The following TGFBR3 variants were observed in gnomAD, a reference collection of about 807,000 sequenced individuals.
TGFBR3 encodes transforming growth factor beta receptor type 3.
TGFBR3 carries 46 observed loss-of-function variants against 87.9 expected under a neutral mutation model. The ratio of observed to expected loss-of-function variants is 0.52; its 90% CI spans 0.41 to 0.67. The LOEUF (loss-of-function observed/expected upper bound fraction) is 0.67. TGFBR3 is among the 30% of genes least tolerant of loss of function. The pLI, the probability that TGFBR3 is intolerant of heterozygous loss-of-function variation, is 0.00. For synonymous variants in TGFBR3, 381 were observed against 391.6 expected, an observed-to-expected ratio of 0.97 and a Z score of 0.32; for missense variants, 866 against 1,041.9, an observed-to-expected ratio of 0.83 and a Z score of 2.32.
intron 2 of TGFBR3, among the ~76,000 whole-genome samples, chr1:91,814,468 T>C (rs945830878): frequency 6.6e-6 from 1 of 152,196 alleles, no homozygotes; most frequent in Non-Finnish European, 1.5e-5. Context: ...CCGTGGTTTA[T>C]GGTAAAACTA....
intron 2 of TGFBR3, among the ~76,000 whole-genome samples, chr1:91,809,101 T>G (rs1206937547): frequency 6.6e-6 from 1 of 152,236 alleles, no homozygotes; most frequent in African/African-American, 2.4e-5. Context: ...TACAACTTAA[T>G]TCCTACTAAT....
chr1:91,738,111 G>A (rs11165390), intron 4 of TGFBR3, among the ~76,000 whole-genome samples: 95,535 of 152,034 alleles, frequency 0.63, 30,394 homozygotes, highest in South Asian at 0.76. Context: ...AGCTCTTCCC[G>A]GTGCTACAGC....
chr1:91,701,400 C>T (rs1671616717), intron 14 of TGFBR3, among the ~76,000 whole-genome samples: 1 of 151,958 alleles, frequency 6.6e-6, no homozygotes, highest in Non-Finnish European at 1.5e-5. Flanking sequence ...AGTTGGCATG[C>T]TGAGAGGAAA....
exon 2 of TGFBR3, chr1:91,899,669 G>A (rs545442480): frequency 1.4e-4 from 22 of 152,274 alleles, no homozygotes; most frequent in African/African-American, 3.4e-4. Flanking sequence ...ATTCTCTGCC[G>A]TCCCTCTGAT....
At chr1:91,822,616 C>T (rs1037526274) in intron 2 of TGFBR3, among the ~76,000 whole-genome samples, 1 of 152,242 alleles carries the variant, frequency 6.6e-6, no homozygotes, top group South Asian at 2.1e-4. Flanking sequence ...CCTTACAGGG[C>T]CATAAACCCC....
At chr1:91,808,540 A>G (rs1196438368) in intron 2 of TGFBR3, among the ~76,000 whole-genome samples, 2 of 152,140 alleles carry the variant, frequency 1.3e-5, no homozygotes, top group South Asian at 4.2e-4. Context: ...ATCTCAACTC[A>G]CTGCAAATTC....
chr1:91,821,698 C>A (rs1676457866), intron 2 of TGFBR3, among the ~76,000 whole-genome samples: 1 of 152,118 alleles, frequency 6.6e-6, no homozygotes, highest in Non-Finnish European at 1.5e-5. Flanking sequence ...GGACCTGGGG[C>A]CTTGCCTGGG....
intron 2 of TGFBR3, among the ~76,000 whole-genome samples, chr1:91,820,971 C>T (rs1341224638): frequency 6.6e-6 from 1 of 152,166 alleles, no homozygotes; most frequent in Non-Finnish European, 1.5e-5. Context: ...ACGAGAGGAA[C>T]TCTGACTTTG....
At chr1:91,707,898 T>A (rs1279020509) in intron 14 of TGFBR3, among the ~76,000 whole-genome samples, 1 of 152,190 alleles carries the variant, frequency 6.6e-6, no homozygotes, top group East Asian at 1.9e-4. Context: ...TGTCAGATGC[T>A]CTTCTCACCG....
chr1:91,852,386 GTA>G (rs1313876916), intron 2 of TGFBR3, among the ~76,000 whole-genome samples: 5 of 152,216 alleles, frequency 3.3e-5, no homozygotes, highest in Admixed American at 6.5e-5. Flanking sequence ...CCGTGTGTGT[GTA>G]TGTGTGTGTG....
At position 91,783,940 on chromosome 1, in the gene TGFBR3, A is replaced by G. The variant is rs1674866441; in HGVS notation, c.246+13347T>C. Reference sequence around the variant, plus strand: ...GTCACCCCCTACATCATGAGGACAGATCATTCTCAATGGCCCAACTTCAAA... The same window carrying G: ...GTCACCCCCTACATCATGAGGACAGGTCATTCTCAATGGCCCAACTTCAAA... On this transcript the variant is annotated intron_variant, in intron 3 of 16. Transcript: ENST00000212355. Among the ~76,000 whole-genome samples the G allele has an allele frequency of 2.0e-5, 3 of 152,190 alleles. No individual in the cohort carries two copies. The South Asian group carries it at 6.2e-4, about 32-fold the overall frequency.
chr1:91,854,380 C>G (rs560671503), intron 2 of TGFBR3, among the ~76,000 whole-genome samples: 5 of 152,032 alleles, frequency 3.3e-5, no homozygotes, highest in Admixed American at 1.3e-4. Flanking sequence ...CATGACCAAC[C>G]AGGTGACGCC....
intron 4 of TGFBR3, among the ~76,000 whole-genome samples, chr1:91,743,216 C>G (rs1673218816): frequency 6.6e-6 from 1 of 152,118 alleles, no homozygotes; most frequent in African/African-American, 2.4e-5. Flanking sequence ...TGCATTGTAG[C>G]CTCTCTCTGG....
chr1:91,829,305 G>C (rs12133180), intron 2 of TGFBR3, among the ~76,000 whole-genome samples: 43,465 of 151,704 alleles, frequency 0.29, 7,012 homozygotes, highest in African/African-American at 0.43. Flanking sequence ...GAACCCAGGA[G>C]GCAGAGGTTG....
At chr1:91,759,383 C>CAA (rs35600646) in intron 3 of TGFBR3, among the ~76,000 whole-genome samples, 7,665 of 84,472 alleles carry the variant, frequency 0.091, 489 homozygotes, top group African/African-American at 0.17. Context: ...CAGCCCCTGT[C>CAA]AAAAAAAAAA....
intron 1 of TGFBR3, among the ~76,000 whole-genome samples, chr1:91,867,752 T>C (rs1678439959): frequency 1.3e-5 from 2 of 152,150 alleles, no homozygotes; most frequent in Non-Finnish European, 2.9e-5. Flanking sequence ...TAAAGAACTG[T>C]ATTTGGGGGT....
chr1:91,768,477 C>T (rs1458504396), intron 3 of TGFBR3, among the ~76,000 whole-genome samples: 1 of 152,170 alleles, frequency 6.6e-6, no homozygotes, highest in East Asian at 1.9e-4. Context: ...TGTGTCCCCA[C>T]CCAAATCTCA....
intron 3 of TGFBR3, among the ~76,000 whole-genome samples, chr1:91,765,616 C>T (rs537361739): frequency 6.6e-6 from 1 of 151,984 alleles, no homozygotes; most frequent in African/African-American, 2.4e-5. Context: ...CCATGGGAAC[C>T]ATAAAAGGCA....
intron 3 of TGFBR3, among the ~76,000 whole-genome samples, chr1:91,785,559 T>C (rs1294705200): frequency 6.6e-6 from 1 of 152,176 alleles, no homozygotes; most frequent in Non-Finnish European, 1.5e-5. Context: ...CAGTCCTGCC[T>C]AGCACCCTTG....
Sources: gnomAD v4.1 joint callset for allele counts (sites outside exome capture counted in the v4.1 genomes callset) on GRCh38, gnomAD v4.1.1 for gene constraint, MANE v1.5 for transcripts, NCBI Gene and HGNC (gene_info 2026-07-23, HGNC 2026-07-21) for gene names.